MCPH1: variants seen among roughly 807,000 people sequenced by gnomAD.
MCPH1 encodes microcephalin.
A neutral mutation model predicts 84.5 loss-of-function variants in MCPH1; 104 were observed. The ratio of observed to expected loss-of-function variants is 1.23; its 90% CI spans 1.05 to 1.45. The LOEUF (loss-of-function observed/expected upper bound fraction) is 1.45, where lower values mean the gene tolerates loss of function less well. Among genes scored for constraint, MCPH1 ranks in the 40% most tolerant of loss-of-function variants. The probability of loss-of-function intolerance (pLI) is 0.00; values close to 1 mark genes in which losing one functional copy is unlikely to be tolerated. For synonymous variants in MCPH1, 514 were observed against 366.8 expected (o/e 1.40, Z -4.58); for missense variants, 1,498 against 1,005.7 (o/e 1.49, Z -6.62).
Position 6,455,251 on chromosome 8 carries a change from AG to A in MCPH1, c.1935+1del. On this transcript the variant is annotated frameshift_variant and splice_region_variant, in exon 9 of 14. Coordinates refer to ENST00000344683, the MANE Select transcript of MCPH1 (RefSeq NM_024596.5). LOFTEE classifies it high-confidence loss of function. ...TTGAAGAAAAGTGGGAGAGGCAAAA[AG>A]GTCAGTGTGTAAAAATATTATTTTA... is the stretch of plus-strand genomic sequence containing the variant. Reference protein sequence around the residue: ...EELKKSGRGKKPTRTLVMTSM... With the variant: ...EELKKSGRGKXPTRTLVMTSM... 1 of 1,598,146 alleles carries A rather than the reference AG, an allele frequency of 6.3e-7. No homozygotes were observed.
In MCPH1 at chr8:6,521,495, C is replaced by G. The variant is rs1817328407; in HGVS notation, c.2214+21566C>G. 12 of 995,596 alleles carry G rather than the reference C, an allele frequency of 1.2e-5. No homozygotes were observed. In the South Asian group the frequency reaches 1.6e-4, roughly 13 times the overall value. The allele number at this position is 995,596 out of a possible 1,614,324, so 61.7% of individuals were successfully genotyped here. ...ATTGAATTTCTACTTCTCCAAGGTA[C>G]TCTGTTAAGATATTGTAGTGGTTAT... On this transcript the variant is annotated intron_variant, in intron 12 of 13. Coordinates refer to ENST00000344683, the MANE Select transcript of MCPH1 (RefSeq NM_024596.5).
chr8:6,491,076 TA>T (rs1254157533), intron 11 of MCPH1, among the ~76,000 whole-genome samples: 1 of 150,582 alleles, frequency 6.6e-6, no homozygotes, highest in African/African-American at 2.4e-5. Flanking sequence ...ATTTTTTTTT[TA>T]CTTTTGAAGC....
At chr8:6,412,777 A>G (rs993103589) in intron 2 of MCPH1, among the ~76,000 whole-genome samples, 4 of 152,296 alleles carry the variant, frequency 2.6e-5, no homozygotes, top group Admixed American at 2.0e-4. Context: ...GGTAATTCTT[A>G]ATTGCCTTGA....
rs1830294194 is a variant in MCPH1, at chr8:6,611,776, G to A, written c.2215-9678G>A. On this transcript the variant is annotated intron_variant, in intron 12 of 13. Transcript: ENST00000344683. ...TGGGACTACAGGCGTCCGCCACCACGCCCGGCTAATTTTTTGTATTTTTAG... is the reference window on the plus strand; with the variant it reads ...TGGGACTACAGGCGTCCGCCACCACACCCGGCTAATTTTTTGTATTTTTAG... Among the ~76,000 whole-genome samples the A allele has an allele frequency of 2.6e-5, 4 of 152,098 alleles. No homozygotes were observed. The South Asian group carries it at 8.3e-4, about 32-fold the overall frequency.
intron 12 of MCPH1, among the ~76,000 whole-genome samples, chr8:6,594,674 C>G (rs1188477639): frequency 7.3e-6 from 1 of 136,884 alleles, no homozygotes; most frequent in South Asian, 2.3e-4. Context: ...CTTCAGTGTT[C>G]TCCTGCAGGG....
At chr8:6,505,308 TA>T (rs1340188796) in intron 12 of MCPH1, among the ~76,000 whole-genome samples, 7 of 44,790 alleles carry the variant, frequency 1.6e-4, no homozygotes, top group African/African-American at 9.9e-4. Flanking sequence ...TATATGTATA[TA>T]ACATATATAT....
At chr8:6,501,187 C>A (rs1376434105) in intron 12 of MCPH1, 1 of 152,124 alleles carries the variant, frequency 6.6e-6, no homozygotes. Flanking sequence ...CTTGACTTTG[C>A]CAGAGTCCAT....
At chr8:6,574,361 C>T (rs1394176296) in intron 12 of MCPH1, among the ~76,000 whole-genome samples, 1 of 151,954 alleles carries the variant, frequency 6.6e-6, no homozygotes, top group South Asian at 2.1e-4. Flanking sequence ...ACACGGCCGT[C>T]TTTTTATAAA....
intron 12 of MCPH1, among the ~76,000 whole-genome samples, chr8:6,577,709 G>A (rs540233186): frequency 1.3e-5 from 2 of 152,230 alleles, no homozygotes; most frequent in Admixed American, 6.5e-5. Flanking sequence ...GCACTACACT[G>A]TATTATTCTA....
chr8:6,547,629 T>C (rs1296191744), intron 12 of MCPH1, among the ~76,000 whole-genome samples: 1 of 152,044 alleles, frequency 6.6e-6, no homozygotes, highest in Non-Finnish European at 1.5e-5. Flanking sequence ...GGGGCACATG[T>C]TCCTATCAAA....
intron 11 of MCPH1, among the ~76,000 whole-genome samples, chr8:6,492,081 A>G (rs1446168934): frequency 1.3e-5 from 2 of 152,228 alleles, no homozygotes; most frequent in African/African-American, 2.4e-5. Flanking sequence ...GAACTAGTTT[A>G]CAGTCCCACT....
intron 12 of MCPH1, chr8:6,617,091 T>G (rs1245776505): frequency 1.3e-5 from 2 of 152,054 alleles, no homozygotes; most frequent in Admixed American, 1.3e-4. Flanking sequence ...TCCTACCTTG[T>G]AGGAAAGCCA....
At chr8:6,558,159 T>C (rs922938587) in intron 12 of MCPH1, among the ~76,000 whole-genome samples, 3 of 152,220 alleles carry the variant, frequency 2.0e-5, no homozygotes, top group African/African-American at 7.2e-5. Flanking sequence ...ATAATGCCAC[T>C]GTACGTGTTT....
chr8:6,414,777 T>A lies in MCPH1; in HGVS notation c.127T>A (p.Phe43Ile). ...VDMGAKVSKT[F>I]NKQVTHVIFK... is the part of the protein sequence containing the mutation. ...ATTTTGTCTACAGGTTTCAAAAACT[T>A]TTAACAAACAAGTAACTCACGTTAT... Residue 43 changes from phenylalanine (F) to isoleucine (I), a missense_variant, in exon 3 of 14, where the codon TTT (phenylalanine) becomes ATT (isoleucine). By Grantham distance (21) the Phe-to-Ile change is conservative. Transcript: ENST00000344683. 1.2e-6 allele frequency: 2 copies of A among 1,613,752 alleles called. No individual in the cohort carries two copies. Among genetic ancestry groups the A allele is most frequent in the Non-Finnish European group, 1.7e-6 (2 of 1,179,802 alleles).
intron 12 of MCPH1, among the ~76,000 whole-genome samples, chr8:6,570,990 C>T (rs375417300): frequency 2.6e-5 from 4 of 151,548 alleles, no homozygotes; most frequent in African/African-American, 9.7e-5. Context: ...TGGGAAATAT[C>T]CAAGTAACTA....
intron 3 of MCPH1, among the ~76,000 whole-genome samples, chr8:6,420,573 CATT>C (rs967409987): frequency 4.6e-5 from 7 of 151,952 alleles, no homozygotes; most frequent in East Asian, 1.9e-4. Flanking sequence ...AGCCAGCCAT[CATT>C]GTTTTCTCTA....
intron 9 of MCPH1, among the ~76,000 whole-genome samples, chr8:6,457,965 G>T (rs1414428418): frequency 6.6e-6 from 1 of 152,090 alleles, no homozygotes; most frequent in East Asian, 1.9e-4. Context: ...CAGACATGCT[G>T]GTGTCATTAA....
intron 12 of MCPH1, among the ~76,000 whole-genome samples, chr8:6,520,394 C>G (rs950874651): frequency 1.3e-5 from 2 of 152,128 alleles, no homozygotes; most frequent in Non-Finnish European, 2.9e-5. Context: ...TTATCTGTAT[C>G]ATGACCCCAT....
At chr8:6,447,255 C>T (rs888260001) in intron 8 of MCPH1, 1 of 985,382 alleles carries the variant, frequency 1.0e-6, no homozygotes, top group Non-Finnish European at 1.2e-6. Flanking sequence ...CTTTGGGAAT[C>T]TATCTTAGAA....
Sources: gnomAD v4.1 joint callset for allele counts (sites outside exome capture counted in the v4.1 genomes callset) on GRCh38, gnomAD v4.1.1 for gene constraint, MANE v1.5 for transcripts, NCBI Gene and HGNC (gene_info 2026-07-23, HGNC 2026-07-21) for gene names.